PHLPP1: variants seen among roughly 807,000 people sequenced by gnomAD.
The protein encoded by PHLPP1 is PH domain and leucine rich repeat protein phosphatase 1, also known as PH domain leucine-rich repeat-containing protein phosphatase 1.
A neutral mutation model predicts 117.2 loss-of-function variants in PHLPP1; 42 were observed. The observed-to-expected ratio is 0.36, with a 90% confidence interval of 0.28 to 0.46. PHLPP1 has a LOEUF of 0.46. Among genes scored for constraint, PHLPP1 ranks in the 20% least tolerant of loss-of-function variants. The pLI is 1.00. For synonymous variants in PHLPP1, 1,042 were observed against 970.7 expected (o/e 1.07, Z -1.37); for missense variants, 2,084 against 2,241.9 (o/e 0.93, Z 1.42).
intron 1 of PHLPP1, among the ~76,000 whole-genome samples, chr18:62,780,491 T>C (rs899674934): frequency 1.3e-5 from 2 of 152,238 alleles, no homozygotes; most frequent in African/African-American, 4.8e-5. Context: ...TTACTTAAGG[T>C]TCATATCATT....
At chr18:62,902,866 G>C in intron 6 of PHLPP1, 98 bp from the exon 7 acceptor site, 1 of 722,324 alleles carries the variant, frequency 1.4e-6, no homozygotes, top group Non-Finnish European at 2.4e-6. Flanking sequence ...ATAATACAGA[G>C]AGAACTGAGT....
intron 1 of PHLPP1, among the ~76,000 whole-genome samples, chr18:62,798,329 G>A (rs1333639148): frequency 3.9e-5 from 6 of 152,146 alleles, no homozygotes; most frequent in African/African-American, 1.4e-4. Flanking sequence ...ATCCAGGTGT[G>A]CATGATTCCA....
chr18:62,740,791 G>C (rs1475298800), intron 1 of PHLPP1, among the ~76,000 whole-genome samples: 1 of 152,142 alleles, frequency 6.6e-6, no homozygotes, highest in African/African-American at 2.4e-5. Flanking sequence ...GGCCAACATG[G>C]TGAGACCCCA....
At chr18:62,977,629 G>A (rs115727570) in intron 16 of PHLPP1, among the ~76,000 whole-genome samples, 72 of 152,280 alleles carry the variant, frequency 4.7e-4, no homozygotes, top group African/African-American at 1.7e-3. Context: ...CCTGACATGA[G>A]CATTCTTACC....
At chr18:62,842,274 C>G (rs1290699513) in intron 3 of PHLPP1, among the ~76,000 whole-genome samples, 1 of 152,012 alleles carries the variant, frequency 6.6e-6, no homozygotes, top group African/African-American at 2.4e-5. Flanking sequence ...CCATGGCAGC[C>G]TTTTGGGGAA....
chr18:62,726,837 G>A (rs1911088352), intron 1 of PHLPP1, among the ~76,000 whole-genome samples: 1 of 151,322 alleles, frequency 6.6e-6, no homozygotes, highest in East Asian at 2.0e-4. Context: ...ATCTGCCTTG[G>A]CCTCCCAAAG....
chr18:62,862,798 ATAAC>A (rs1448320613), intron 4 of PHLPP1, among the ~76,000 whole-genome samples: 2 of 152,246 alleles, frequency 1.3e-5, no homozygotes, highest in Non-Finnish European at 2.9e-5. Flanking sequence ...GTAATAAGAA[ATAAC>A]TTTCGTGTGT....
intron 1 of PHLPP1, among the ~76,000 whole-genome samples, chr18:62,720,162 G>A (rs376852950): frequency 2.0e-5 from 3 of 152,114 alleles, no homozygotes; most frequent in East Asian, 3.8e-4. Flanking sequence ...GCCTGAAAGA[G>A]AGTAATTATA....
chr18:62,819,267 A>G (rs1312225842), intron 1 of PHLPP1, among the ~76,000 whole-genome samples: 1 of 152,224 alleles, frequency 6.6e-6, no homozygotes, highest in East Asian at 1.9e-4. Flanking sequence ...ATGGAAGTAT[A>G]TTGTTGTAGT....
chr18:62,945,036 G>A, intron 11 of PHLPP1, 73 bp from the exon 12 acceptor site: 2 of 1,123,836 alleles, frequency 1.8e-6, no homozygotes, highest in Non-Finnish European at 2.4e-6. Flanking sequence ...TAAAGTCATA[G>A]CAATTTAATT....
At chr18:62,859,269 A>C (rs1328854662) in intron 3 of PHLPP1, among the ~76,000 whole-genome samples, 1 of 152,236 alleles carries the variant, frequency 6.6e-6, no homozygotes, top group Non-Finnish European at 1.5e-5. Context: ...CATGTGCTTT[A>C]GCATAAATTG....
At chr18:62,878,252 T>A (rs1425459469) in intron 4 of PHLPP1, among the ~76,000 whole-genome samples, 1 of 152,228 alleles carries the variant, frequency 6.6e-6, no homozygotes, top group Non-Finnish European at 1.5e-5. Context: ...ATTTTGTTGA[T>A]GGTGAAGTGT....
chr18:62,940,978 T>C (rs1910117227), intron 10 of PHLPP1, among the ~76,000 whole-genome samples: 1 of 152,252 alleles, frequency 6.6e-6, no homozygotes, highest in Non-Finnish European at 1.5e-5. Context: ...CTTTGAACTT[T>C]ATATAGTTAT....
chr18:62,844,318 G>A (rs1263636004), intron 3 of PHLPP1, among the ~76,000 whole-genome samples: 17 of 152,112 alleles, frequency 1.1e-4, no homozygotes, highest in Non-Finnish European at 2.5e-4. Context: ...CAGCCTGGGC[G>A]ACAGAGCAAG....
intron 1 of PHLPP1, among the ~76,000 whole-genome samples, chr18:62,732,728 C>A (rs907662634): frequency 6.6e-6 from 1 of 152,200 alleles, no homozygotes; most frequent in Non-Finnish European, 1.5e-5. Flanking sequence ...TTCACCATTC[C>A]GGATGCCATT....
At chr18:62,928,054 A>G (rs566792838) in intron 10 of PHLPP1, among the ~76,000 whole-genome samples, 210 of 152,324 alleles carry the variant, frequency 1.4e-3, no homozygotes, top group African/African-American at 4.9e-3. Context: ...CAAGGTAATA[A>G]CGGAGTAATG....
At chr18:62,902,512 C>T (rs969534510) in intron 6 of PHLPP1, among the ~76,000 whole-genome samples, 1 of 152,230 alleles carries the variant, frequency 6.6e-6, no homozygotes, top group Non-Finnish European at 1.5e-5. Flanking sequence ...CCTGTTCATG[C>T]ATCCTCTCTC....
intron 1 of PHLPP1, among the ~76,000 whole-genome samples, chr18:62,810,402 A>G (rs1914078051): frequency 6.6e-6 from 1 of 152,130 alleles, no homozygotes; most frequent in Non-Finnish European, 1.5e-5. Context: ...TTCCTCTTTT[A>G]TCTTGGGAGA....
rs911422687 is a variant in PHLPP1 at position 62,771,172 on chromosome 18, C to T, written c.1576+53913C>T. ...GAGGTTGCAGTGAGCCGAGATTGCG[C>T]CATTGCCCTCCAGCCTGGGCGACAG... On this transcript the variant is annotated intron_variant, in intron 1 of 16. Coordinates refer to ENST00000262719, the MANE Select transcript of PHLPP1 (RefSeq NM_194449.4). Among the ~76,000 whole-genome samples, 5 of 150,684 alleles carry T rather than the reference C, an allele frequency of 3.3e-5. No homozygotes were observed. In the South Asian group the frequency reaches 1.0e-3, roughly 32 times the overall value.
Sources: allele counts gnomAD v4.1 joint callset (sites outside exome capture counted in the v4.1 genomes callset), GRCh38; gene constraint gnomAD v4.1.1; transcripts MANE v1.5; gene names NCBI Gene and HGNC (gene_info 2026-07-23, HGNC 2026-07-21).